Variants in ZBTB41 observed in about 807,000 individuals in gnomAD.
ZBTB41 encodes the protein zinc finger and BTB domain-containing protein 41.
ZBTB41 carries 42 observed loss-of-function variants against 87.6 expected under a neutral mutation model. That is an observed-to-expected ratio of 0.48 (90% confidence interval 0.37 to 0.62). The LOEUF is 0.62. ZBTB41 is among the 20% of genes least tolerant of loss of function. The pLI is 0.00. For synonymous variants in ZBTB41, 364 were observed against 364.0 expected, an observed-to-expected ratio of 1.00 and a Z score of 0.00; for missense variants, 799 against 1,078.9, an observed-to-expected ratio of 0.74 and a Z score of 3.63.
intron 2 of ZBTB41, among the ~76,000 whole-genome samples, chr1:197,196,388 C>A (rs998849575): frequency 3.2e-4 from 49 of 152,150 alleles, no homozygotes; most frequent in African/African-American, 1.2e-3. Flanking sequence ...AGTCTACATT[C>A]AATGTATCAT....
chr1:197,197,265 A>T (rs1472540392), intron 2 of ZBTB41, among the ~76,000 whole-genome samples: 1 of 152,058 alleles, frequency 6.6e-6, no homozygotes, highest in Non-Finnish European at 1.5e-5. Context: ...TTCCAAAAAA[A>T]CCAAGCAGTC....
In ZBTB41 at chr1:197,163,045, C is replaced by T. The variant is rs775753112; in HGVS notation, c.2075-3031G>A. Among the ~76,000 whole-genome samples the T allele has an allele frequency of 1.7e-4, 26 of 152,106 alleles. 1 individual carries two copies. The highest frequency in any genetic ancestry group is 3.2e-4 in the Non-Finnish European group (22 of 68,010). On this transcript the variant is annotated intron_variant, in intron 10 of 10. Coordinates refer to ENST00000367405, the MANE Select transcript of ZBTB41 (RefSeq NM_194314.3). ...CAATATTTCAGCAATCCCAAGAATACTGGGAGACAGAGATTAGAGTTCAGG... is the reference window on the plus strand; with the variant it reads ...CAATATTTCAGCAATCCCAAGAATATTGGGAGACAGAGATTAGAGTTCAGG...
chr1:197,173,049 A>G (rs1292110155), intron 9 of ZBTB41, among the ~76,000 whole-genome samples: 1 of 152,098 alleles, frequency 6.6e-6, no homozygotes, highest in Non-Finnish European at 1.5e-5. Context: ...ACAGTTCTCA[A>G]CTGAAAATTT....
At chr1:197,189,437 A>G (rs1274919243) in intron 4 of ZBTB41, among the ~76,000 whole-genome samples, 1 of 151,992 alleles carries the variant, frequency 6.6e-6, no homozygotes, top group Non-Finnish European at 1.5e-5. Flanking sequence ...GAGGCACAAG[A>G]ATCACTTGAA....
Position 197,159,321 on chromosome 1 carries a change from T to C in ZBTB41, c.*38A>G. 1 of 1,601,522 alleles carries C rather than the reference T, an allele frequency of 6.2e-7. No homozygotes were observed. The highest frequency in any genetic ancestry group is 1.1e-5 in the South Asian group (1 of 90,324). ...AAAGCTATCATCTCTACCATTAGCA[T>C]ATAACCATCCAAAAATCTGTGGAAT... On this transcript the variant is annotated 3_prime_UTR_variant, in exon 11 of 11. Transcript: ENST00000367405.
intron 10 of ZBTB41, among the ~76,000 whole-genome samples, chr1:197,161,048 C>G (rs999178604): frequency 1.3e-5 from 2 of 152,080 alleles, no homozygotes; most frequent in African/African-American, 4.8e-5. Context: ...TCCTACAACT[C>G]CAATAATTGA....
Position 197,159,566 on chromosome 1 carries a change from T to C in ZBTB41, c.2523A>G (p.Pro841=). ...LPPSSHEILS[P]QPQSTDYPRA... ...GTGGATAATCAGTTGACTGTGGCTG[T>C]GGTGACAGAATCTCATGAGAAGATG... Residue 841 remains proline (P), a synonymous_variant, in exon 11 of 11, where the codon CCA becomes CCG. Transcript: ENST00000367405. 2 of 1,613,950 alleles carry C rather than the reference T, an allele frequency of 1.2e-6. No individual in the cohort carries two copies. Among genetic ancestry groups the C allele is most frequent in the Non-Finnish European group, 1.7e-6 (2 of 1,179,880 alleles).
At chr1:197,165,534 C>T (rs989621620) in intron 10 of ZBTB41, among the ~76,000 whole-genome samples, 9 of 150,402 alleles carry the variant, frequency 6.0e-5, no homozygotes, top group Non-Finnish European at 8.8e-5. Context: ...GGCGTCAACC[C>T]GGGAGGCGGA....
intron 6 of ZBTB41, among the ~76,000 whole-genome samples, 186 bp from the exon 7 acceptor site, chr1:197,178,698 CCTT>C (rs1385493064): frequency 2.0e-5 from 3 of 152,034 alleles, no homozygotes; most frequent in African/African-American, 7.2e-5. Context: ...AGCTCTCTCT[CCTT>C]AAAAACAAAA....
intron 2 of ZBTB41, among the ~76,000 whole-genome samples, chr1:197,197,254 A>T (rs528792268): frequency 6.1e-4 from 93 of 152,058 alleles, no homozygotes; most frequent in Non-Finnish European, 1.1e-3. Context: ...CAAGAACAGG[A>T]TTCCAAAAAA....
intron 10 of ZBTB41, 113 bp downstream of exon 10, chr1:197,172,047 A>G (rs1659492896): frequency 2.6e-6 from 1 of 387,076 alleles, no homozygotes; most frequent in Non-Finnish European, 4.5e-6. Context: ...GGGGAAAACC[A>G]AAGAAATTTA....
Position 197,176,563 on chromosome 1 carries a change from C to A in ZBTB41, c.1879+1G>T. The A allele has an allele frequency of 6.2e-7, 1 of 1,604,728 alleles. No individual in the cohort carries two copies. The highest frequency in any genetic ancestry group is 8.5e-7 in the Non-Finnish European group (1 of 1,173,556). On this transcript the variant is annotated splice_donor_variant, in intron 8 of 10. Transcript: ENST00000367405. LOFTEE classifies it high-confidence loss of function. The stretch of plus-strand genomic sequence containing the variant: ...AACTAGCATTACAAAATATGGTATA[C>A]CTGAATGTATTTTTTTGTGCTTTGT...
chr1:197,161,987 A>T (rs1659213016), intron 10 of ZBTB41, among the ~76,000 whole-genome samples: 1 of 152,154 alleles, frequency 6.6e-6, no homozygotes, highest in Admixed American at 6.6e-5. Context: ...CATTTTCATT[A>T]AAAAAGTTTT....
In ZBTB41 at chr1:197,191,792, T is replaced by G. The variant is rs1189082233; in HGVS notation, c.1228A>C (p.Lys410Gln). The change falls in exon 3 of 11, where the codon AAG becomes CAG. Residue 410 changes from lysine (K) to glutamine (Q), a missense_variant. Physicochemically the swap from Lys to Gln is moderately conservative, Grantham distance 53. Coordinates refer to ENST00000367405, the MANE Select transcript of ZBTB41 (RefSeq NM_194314.3). ...TKSNLTVHRK[K>Q]HSNETEFHKK... is the part of the protein sequence containing the mutation. ...TGAAATTCTGTTTCATTACTGTGCT[T>G]CTTTCTGTGAACAGTTAGGTTAGAC... The G allele has an allele frequency of 5.6e-6, 9 of 1,613,794 alleles. No individual in the cohort carries two copies. The highest frequency in any genetic ancestry group is 2.2e-5 in the East Asian group (1 of 44,872).
intron 10 of ZBTB41, among the ~76,000 whole-genome samples, chr1:197,168,386 A>G (rs1659399212): frequency 6.6e-6 from 1 of 152,134 alleles, no homozygotes; most frequent in African/African-American, 2.4e-5. Flanking sequence ...AAATTAACAG[A>G]CTATTTCTAA....
intron 5 of ZBTB41, among the ~76,000 whole-genome samples, chr1:197,187,658 T>C (rs151048675): frequency 1.3e-5 from 2 of 152,176 alleles, no homozygotes; most frequent in African/African-American, 2.4e-5. Context: ...ATGGCACTTA[T>C]AGATATGGAG....
intron 2 of ZBTB41, among the ~76,000 whole-genome samples, chr1:197,197,151 C>T (rs1259638864): frequency 6.6e-6 from 1 of 151,980 alleles, no homozygotes; most frequent in Non-Finnish European, 1.5e-5. Context: ...TAACCTTTCC[C>T]TACCCCATGA....
At position 197,172,269 on chromosome 1, in the gene ZBTB41, G is replaced by T; in HGVS notation, c.1986-21C>A. ...TATATCTAAGAAAATAAAAAGATTT[G>T]AGTTTTTCAATATAATTTTAATAAC... On this transcript the variant is annotated intron_variant, in intron 9 of 10. Transcript: ENST00000367405. 3 of 962,724 alleles carry T rather than the reference G, an allele frequency of 3.1e-6. No homozygotes were observed. In the South Asian group the frequency reaches 9.1e-5, roughly 29 times the overall value. The allele number at this position is 962,724 out of a possible 1,614,324, so 59.6% of individuals were successfully genotyped here.
Position 197,175,107 on chromosome 1 carries a change from C to T in ZBTB41, c.1888G>A (p.Ala630Thr), listed in dbSNP as rs1479549984. The T allele has an allele frequency of 6.2e-7, 1 of 1,609,560 alleles. No homozygotes were observed. The highest frequency in any genetic ancestry group is 1.3e-5 in the African/African-American group (1 of 74,666). ...KHKKIHSGEKAHQCEECGKCF... is the reference protein window; with the variant it reads ...KHKKIHSGEKTHQCEECGKCF... The stretch of plus-strand genomic sequence containing the variant: ...TTTCCACATTCTTCACACTGATGAG[C>T]TTTTTCACCTTAAAATAAAGACCCA... Residue 630 changes from alanine (A) to threonine (T), a missense_variant, in exon 9 of 11, where the codon GCT (alanine) becomes ACT (threonine). Physicochemically the swap from Ala to Thr is moderately conservative, Grantham distance 58. Coordinates refer to ENST00000367405, the MANE Select transcript of ZBTB41 (RefSeq NM_194314.3).
Sources: allele counts gnomAD v4.1 joint callset (sites outside exome capture counted in the v4.1 genomes callset), GRCh38; gene constraint gnomAD v4.1.1; transcripts MANE v1.5; gene names NCBI Gene and HGNC (gene_info 2026-07-23, HGNC 2026-07-21).